Variants in KIF11 observed in about 807,000 individuals in gnomAD.
KIF11 encodes the protein kinesin-like protein KIF11.
In KIF11, 9 loss-of-function variants were observed where a neutral mutation model predicts 121.0. That is an observed-to-expected ratio of 0.07 (90% CI 0.04 to 0.13). The LOEUF (loss-of-function observed/expected upper bound fraction) is 0.13. KIF11 is among the 10% of genes least tolerant of loss of function. The pLI is 1.00. For synonymous variants in KIF11, 408 were observed against 421.0 expected, an observed-to-expected ratio of 0.97 and a Z score of 0.38; for missense variants, 846 against 1,217.5, an observed-to-expected ratio of 0.69 and a Z score of 4.54.
Position 92,593,412 on chromosome 10 carries a change from G to A in KIF11, c.37G>A (p.Glu13Lys). ...SQPNSSAKKK[E>K]EKGKNIQVVV... ...GCCAAATTCGTCTGCGAAGAAGAAAGAGGAGAAGGGGAAGAACATCCAGGT... is the reference window on the plus strand; with the variant it reads ...GCCAAATTCGTCTGCGAAGAAGAAAAAGGAGAAGGGGAAGAACATCCAGGT... Residue 13 changes from glutamate (E) to lysine (K), a missense_variant, in exon 1 of 22, where the codon GAG becomes AAG. Glu to Lys is a moderately conservative substitution (Grantham distance 56). This residue lies in a region of KIF11 where 140 missense variants were observed against 193.5 expected (regional missense o/e 0.72). Coordinates refer to ENST00000260731, the MANE Select transcript of KIF11 (RefSeq NM_004523.4). 1 of 1,611,576 alleles carries A rather than the reference G, an allele frequency of 6.2e-7. No homozygotes were observed. Among genetic ancestry groups the A allele is most frequent in the Non-Finnish European group, 8.5e-7 (1 of 1,179,134 alleles).
At chr10:92,600,512 A>G (rs1334119597) in intron 1 of KIF11, among the ~76,000 whole-genome samples, 3 of 149,292 alleles carry the variant, frequency 2.0e-5, no homozygotes, top group East Asian at 2.0e-4. Flanking sequence ...TTTCTTTTCT[A>G]TTTTTTTTTC....
At chr10:92,604,058 C>T (rs936597244) in intron 1 of KIF11, among the ~76,000 whole-genome samples, 1 of 152,140 alleles carries the variant, frequency 6.6e-6, no homozygotes, top group Admixed American at 6.6e-5. Context: ...ATCTCCCTTC[C>T]CTCACCATTT....
At chr10:92,598,089 C>T (rs1844321239) in intron 1 of KIF11, among the ~76,000 whole-genome samples, 1 of 144,702 alleles carries the variant, frequency 6.9e-6, no homozygotes, top group African/African-American at 2.9e-5. Flanking sequence ...GATACACAAA[C>T]ATTTTAAATT....
chr10:92,618,105 A>G (rs1199585642), intron 9 of KIF11, among the ~76,000 whole-genome samples: 3 of 152,122 alleles, frequency 2.0e-5, no homozygotes, highest in African/African-American at 7.2e-5. Context: ...TGTGCTTATT[A>G]TCTATTTGTT....
chr10:92,601,976 A>ATGGGTTT (rs1320968392), intron 1 of KIF11, among the ~76,000 whole-genome samples: 1 of 152,072 alleles, frequency 6.6e-6, no homozygotes, highest in Admixed American at 6.6e-5. Context: ...TTTATGACTA[A>ATGGGTTT]TGGGTTTTGA....
intron 6 of KIF11, 98 bp downstream of exon 6, chr10:92,609,607 C>A: frequency 1.7e-6 from 2 of 1,151,974 alleles, no homozygotes; most frequent in Non-Finnish European, 2.5e-6. Context: ...GTATGTGGGT[C>A]ACGTACCTAG....
At chr10:92,624,268 T>C (rs1205784275) in intron 10 of KIF11, among the ~76,000 whole-genome samples, 1 of 148,080 alleles carries the variant, frequency 6.8e-6, no homozygotes, top group Non-Finnish European at 1.5e-5. Flanking sequence ...TCTTGCTCTG[T>C]CACCCAGGCT....
At chr10:92,606,776 T>G (rs1297313862) in intron 3 of KIF11, 60 bp downstream of exon 3, 1 of 919,434 alleles carries the variant, frequency 1.1e-6, no homozygotes, top group Non-Finnish European at 1.8e-6. Flanking sequence ...TGTTTTTTGT[T>G]GTTGTTTGTT....
intron 1 of KIF11, among the ~76,000 whole-genome samples, chr10:92,605,724 GA>G (rs1265541137): frequency 1.3e-5 from 2 of 152,130 alleles, no homozygotes; most frequent in Non-Finnish European, 2.9e-5. Context: ...GACCTCAGGT[GA>G]TCCGCCTGCC....
At chr10:92,636,983 A>G (rs1245726865) in intron 14 of KIF11, among the ~76,000 whole-genome samples, 1 of 149,800 alleles carries the variant, frequency 6.7e-6, no homozygotes, top group Non-Finnish European at 1.5e-5. Flanking sequence ...CAGTGAGCCA[A>G]GATGTTGCCA....
chr10:92,618,325 A>T (rs1229819414), intron 9 of KIF11, among the ~76,000 whole-genome samples: 4 of 150,076 alleles, frequency 2.7e-5, no homozygotes, highest in Non-Finnish European at 5.9e-5. Flanking sequence ...ATGATTATAG[A>T]TTCACATGCA....
rs767987237 is a variant in KIF11, at chr10:92,649,962, A to C, written c.2898A>C (p.Glu966Asp). The C allele has an allele frequency of 1.9e-6, 3 of 1,612,046 alleles. No individual in the cohort carries two copies. The Admixed American group carries it at 5.0e-5, about 27-fold the overall frequency. The change falls in exon 20 of 22, where the codon GAA becomes GAC. Residue 966 changes from glutamate (E) to aspartate (D), a missense_variant. Around this residue, in one of 5 missense-constraint regions of KIF11, gnomAD observed 492 missense variants for 603.4 expected, o/e 0.82. Coordinates refer to ENST00000260731, the MANE Select transcript of KIF11 (RefSeq NM_004523.4). ...PELLMMLNCS[E>D]NNKEETIPDV... ...TGTTAATGATGCTAAACTGTTCAGA[A>C]AACAACAAAGAAGAGACAATTCCGG... is the stretch of plus-strand genomic sequence containing the variant.
rs531038557 is a variant in KIF11 at position 92,631,641 on chromosome 10, G to A, written c.1495-845G>A. Among the ~76,000 whole-genome samples, 4 of 151,476 alleles carry A rather than the reference G, an allele frequency of 2.6e-5. No individual in the cohort carries two copies. In the East Asian group the frequency reaches 5.9e-4, roughly 22 times the overall value. ...CTCCCAAAGTGCTGGGATTACAGGC[G>A]TGAGCCACCGCGCCCGGCCTTTAAT... is the stretch of plus-strand genomic sequence containing the variant. On this transcript the variant is annotated intron_variant, in intron 12 of 21. Transcript: ENST00000260731.
At chr10:92,624,570 C>A (rs943378979) in intron 10 of KIF11, among the ~76,000 whole-genome samples, 1 of 151,994 alleles carries the variant, frequency 6.6e-6, no homozygotes, top group African/African-American at 2.4e-5. Context: ...GTGTAGTATT[C>A]CATGGTGTAT....
At chr10:92,611,436 T>A (rs997285095) in intron 6 of KIF11, among the ~76,000 whole-genome samples, 9 of 151,710 alleles carry the variant, frequency 5.9e-5, no homozygotes, top group Non-Finnish European at 1.2e-4. Flanking sequence ...TTGGTCTCGA[T>A]CTCCTGACCT....
chr10:92,648,384 C>T lies in KIF11; in HGVS notation c.2720C>T (p.Thr907Ile), dbSNP rs1435449118. 3 of 1,612,368 alleles carry T rather than the reference C, an allele frequency of 1.9e-6. No individual in the cohort carries two copies. Among genetic ancestry groups the T allele is most frequent in the South Asian group, 1.1e-5 (1 of 90,792 alleles). ...ELNETIKIGL[T>I]KLNCFLEQDL... ...AATGAAACCATAAAAATTGGTTTGA[C>T]TAAGCTTAATTGCTTTCTGGAACAG... Residue 907 changes from threonine (T) to isoleucine (I), a missense_variant, in exon 19 of 22, where the codon ACT becomes ATT. Thr to Ile is a moderately conservative substitution (Grantham distance 89). This residue lies in a region of KIF11 where 492 missense variants were observed against 603.4 expected (regional missense o/e 0.82). Coordinates refer to ENST00000260731, the MANE Select transcript of KIF11 (RefSeq NM_004523.4).
In KIF11 at chr10:92,607,496, G is replaced by T. The variant is rs45589941; in HGVS notation, c.387+259G>T. Among the ~76,000 whole-genome samples, 3,159 of 152,256 alleles carry T rather than the reference G, an allele frequency of 0.021. 49 individuals carry two copies. The highest frequency in any genetic ancestry group is 0.052 in the Admixed American group (795 of 15,280). The stretch of plus-strand genomic sequence containing the variant: ...GGAGTCTATTTATGACAGAATGGTT[G>T]GAGCAGAATATTGTAGAAAAGTTGG... On this transcript the variant is annotated intron_variant, in intron 4 of 21. Transcript: ENST00000260731.
chr10:92,627,299 C>T (rs917747129), intron 10 of KIF11, among the ~76,000 whole-genome samples: 1 of 152,174 alleles, frequency 6.6e-6, no homozygotes, highest in African/African-American at 2.4e-5. Flanking sequence ...ATTTCTGAAA[C>T]TGACTAATAC....
intron 10 of KIF11, among the ~76,000 whole-genome samples, chr10:92,626,468 C>A (rs1468327777): frequency 3.3e-5 from 5 of 152,244 alleles, no homozygotes; most frequent in African/African-American, 1.2e-4. Context: ...TTGTAAAAAA[C>A]CTAGGTGTTT....
Sources: allele counts gnomAD v4.1 joint callset (sites outside exome capture counted in the v4.1 genomes callset), GRCh38; gene constraint gnomAD v4.1.1; regional missense constraint gnomAD v4.1.1; transcripts MANE v1.5; gene names NCBI Gene and HGNC (gene_info 2026-07-23, HGNC 2026-07-21).